SMTN: variants seen among roughly 807,000 people sequenced by gnomAD.
The protein encoded by SMTN is smoothelin.
SMTN carries 58 observed loss-of-function variants against 102.0 expected under a neutral mutation model. The observed-to-expected ratio is 0.57, with a 90% CI of 0.46 to 0.71. SMTN has a LOEUF of 0.71. Ranked by LOEUF, SMTN falls within the 30% of genes least tolerant of loss-of-function variation. The pLI is 0.00. For missense variants in SMTN, 1,185 were observed against 1,241.7 expected (o/e 0.95, Z 0.69); for synonymous variants, 478 against 497.9 (o/e 0.96, Z 0.53).
Position 31,082,905 on chromosome 22 carries a change from T to C in SMTN, c.-80-274T>C, listed in dbSNP as rs574908698. 6.5e-6 allele frequency: 10 copies of C among 1,548,570 alleles called. No individual in the cohort carries two copies. The East Asian group carries it at 2.4e-4, about 38-fold the overall frequency. ...AATCCAGGTCCCTGCCCTCCCTGTT[T>C]TGAGGTTTAGACAGGATGAGAGTCC... On this transcript the variant is annotated intron_variant, in intron 1 of 20. Coordinates refer to ENST00000333137, the MANE Select transcript of SMTN (RefSeq NM_134269.3).
chr22:31,085,808 C>G (rs5753456), intron 2 of SMTN, among the ~76,000 whole-genome samples: 31,583 of 152,164 alleles, frequency 0.21, 4,442 homozygotes, highest in East Asian at 0.45. Context: ...TTGTCAGTCT[C>G]CAGCCTTGCC....
intron 2 of SMTN, chr22:31,084,942 C>T (rs2042566011): frequency 7.3e-7 from 1 of 1,366,254 alleles, no homozygotes; most frequent in Non-Finnish European, 9.4e-7. Flanking sequence ...CTCCTCCCCG[C>T]GGGGCCGGGC....
At chr22:31,097,746 A>AAATAAAT (rs1555971555) in intron 16 of SMTN, among the ~76,000 whole-genome samples, 70 of 151,444 alleles carry the variant, frequency 4.6e-4, no homozygotes, top group Middle Eastern at 3.4e-3. Flanking sequence ...ATAAATAAAT[A>AAATAAAT]AATAAAACAG....
chr22:31,082,923 G>A, intron 1 of SMTN: 2 of 1,542,154 alleles, frequency 1.3e-6, no homozygotes, highest in Non-Finnish European at 1.8e-6. Flanking sequence ...TAGACAGGAT[G>A]AGAGTCCATC....
In SMTN at chr22:31,083,210, C is replaced by G. The variant is rs1332140442; in HGVS notation, c.-49C>G. On this transcript the variant is annotated 5_prime_UTR_variant, in exon 2 of 21. Transcript: ENST00000333137. ...CTGAGCTGGTGACAGGTGCCACAGG[C>G]ACTGGGGATCTCACCAGAAAGGAAC... The G allele has an allele frequency of 1.3e-6, 2 of 1,588,764 alleles. No individual in the cohort carries two copies. Among genetic ancestry groups the G allele is most frequent in the Admixed American group, 3.7e-5 (2 of 53,532 alleles).
At chr22:31,093,225 G>A in intron 11 of SMTN, 2 of 249,644 alleles carry the variant, frequency 8.0e-6, no homozygotes, top group Non-Finnish European at 1.6e-5. Context: ...GCTTGGGCAG[G>A]CCCCCCCTCC....
intron 2 of SMTN, chr22:31,085,329 G>A (rs1002329234): frequency 1.2e-5 from 18 of 1,466,362 alleles, no homozygotes; most frequent in Non-Finnish European, 1.4e-5. Flanking sequence ...GAGGGAGGGC[G>A]GTCGCAGAAC....
chr22:31,102,645 G>A (rs981114329), intron 20 of SMTN: 2 of 152,508 alleles, frequency 1.3e-5, no homozygotes, highest in Non-Finnish European at 2.9e-5. Context: ...CAGTTGGAAA[G>A]TGTGACTCAG....
At chr22:31,097,456 C>T (rs1243629965) in intron 16 of SMTN, 118 bp downstream of exon 16, 2 of 947,390 alleles carry the variant, frequency 2.1e-6, no homozygotes, top group Non-Finnish European at 3.4e-6. Context: ...GTAATCCCAG[C>T]ACTTTGGGAG....
chr22:31,065,500 C>G (rs763967833), intron 1 of SMTN: 4 of 152,048 alleles, frequency 2.6e-5, no homozygotes, highest in Non-Finnish European at 4.4e-5. Flanking sequence ...AGGGGCCCAC[C>G]ACCATGCCTG....
intron 1 of SMTN, among the ~76,000 whole-genome samples, chr22:31,069,366 G>A (rs773218574): frequency 3.3e-5 from 5 of 152,202 alleles, no homozygotes; most frequent in Non-Finnish European, 5.9e-5. Context: ...AAGCTCAGAG[G>A]TTGGAGAGAA....
At chr22:31,088,147 A>G in intron 3 of SMTN, 34 bp downstream of exon 3, 1 of 1,563,924 alleles carries the variant, frequency 6.4e-7, no homozygotes, top group Non-Finnish European at 8.7e-7. Flanking sequence ...GCGGGTGAGA[A>G]GGTGAGTGTG....
Position 31,096,817 on chromosome 22 carries a change from C to A in SMTN, c.1946C>A (p.Thr649Asn). Residue 649 changes from threonine (T) to asparagine (N), a missense_variant, in exon 14 of 21, where the codon ACC (threonine) becomes AAC (asparagine). By Grantham distance (65) the Thr-to-Asn change is moderately conservative (BLOSUM62 0). Coordinates refer to ENST00000333137, the MANE Select transcript of SMTN (RefSeq NM_134269.3). Reference sequence around the variant, plus strand: ...GGGCGCGGCAACACAGCCACTGAGACCACCACGAGGCACAGCCAGCGGGCA... The same window carrying A: ...GGGCGCGGCAACACAGCCACTGAGAACACCACGAGGCACAGCCAGCGGGCA... ...GEGRGNTATE[T>N]TTRHSQRAAD... 1.3e-6 allele frequency: 2 copies of A among 1,574,730 alleles called. No individual in the cohort carries two copies. Among genetic ancestry groups the A allele is most frequent in the Non-Finnish European group, 8.6e-7 (1 of 1,159,606 alleles).
chr22:31,075,155 C>T (rs1168535376), intron 1 of SMTN, among the ~76,000 whole-genome samples: 3 of 152,244 alleles, frequency 2.0e-5, no homozygotes, highest in East Asian at 1.9e-4. Flanking sequence ...GTTTGAGTCT[C>T]GACTCTGTCC....
At chr22:31,103,952 A>G in intron 20 of SMTN, 1 of 251,722 alleles carries the variant, frequency 4.0e-6, no homozygotes, top group Non-Finnish European at 7.8e-6. Flanking sequence ...AGAGGCTTCT[A>G]CCAACTGGAG....
At chr22:31,080,209 G>A (rs1281814749), upstream of SMTN, among the ~76,000 whole-genome samples, 1 of 152,022 alleles carries the variant, frequency 6.6e-6, no homozygotes, top group African/African-American at 2.4e-5. Context: ...GACCTGAACC[G>A]GGGCTCTTCT....
chr22:31,072,073 A>G (rs2042017045), intron 1 of SMTN, among the ~76,000 whole-genome samples: 1 of 152,166 alleles, frequency 6.6e-6, no homozygotes, highest in South Asian at 2.1e-4. Context: ...ATTTGTCCAA[A>G]ACATAATAAA....
rs367814668 is a variant in SMTN, at chr22:31,097,164, C to A, written c.2089+104C>A. On this transcript the variant is annotated intron_variant, in intron 15 of 20. Transcript: ENST00000333137. ...GTGTCTTCAACTGTGCCGTCACTTTCTCTTCTCTGCCTGCGGCTATCACCA... is the reference window on the plus strand; with the variant it reads ...GTGTCTTCAACTGTGCCGTCACTTTATCTTCTCTGCCTGCGGCTATCACCA... 27 of 1,496,140 alleles carry A rather than the reference C, an allele frequency of 1.8e-5. No individual in the cohort carries two copies. The African/African-American group carries it at 3.4e-4, about 19-fold the overall frequency. The allele number at this position is 1,496,140 out of a possible 1,614,324, so 92.7% of individuals were successfully genotyped here.
intron 1 of SMTN, among the ~76,000 whole-genome samples, chr22:31,073,023 T>TTTTTCC (rs1399693512): frequency 0.026 from 3,773 of 145,426 alleles, 86 homozygotes; most frequent in Middle Eastern, 0.077. Context: ...TTTTTTTTTT[T>TTTTTCC]TTTTTTTTTG....
Sources: gnomAD v4.1 joint callset for allele counts (sites outside exome capture counted in the v4.1 genomes callset) on GRCh38, gnomAD v4.1.1 for gene constraint, MANE v1.5 for transcripts, NCBI Gene and HGNC (gene_info 2026-07-23, HGNC 2026-07-21) for gene names.